PTPN14: variants seen among roughly 807,000 people sequenced by gnomAD.
The protein encoded by PTPN14 is tyrosine-protein phosphatase non-receptor type 14.
A neutral mutation model predicts 126.8 loss-of-function variants in PTPN14; 53 were observed. The observed-to-expected ratio is 0.42, with a 90% CI of 0.34 to 0.53. PTPN14 has a LOEUF of 0.53. PTPN14 is among the 20% of genes least tolerant of loss of function. The pLI is 0.08. For synonymous variants in PTPN14, 630 were observed against 599.3 expected (o/e 1.05, Z -0.75); for missense variants, 1,257 against 1,552.9 (o/e 0.81, Z 3.20).
At chr1:214,396,986 A>G (rs2102557471) in intron 8 of PTPN14, among the ~76,000 whole-genome samples, 1 of 152,368 alleles carries the variant, frequency 6.6e-6, no homozygotes, top group Middle Eastern at 3.4e-3. Flanking sequence ...CTATAGCCTG[A>G]AAGATCTCTC....
chr1:214,533,714 G>A (rs1015255311), intron 1 of PTPN14, among the ~76,000 whole-genome samples: 4 of 151,912 alleles, frequency 2.6e-5, no homozygotes, highest in Admixed American at 6.6e-5. Flanking sequence ...GCGGGCGCCT[G>A]TAGTCCCAAA....
intron 1 of PTPN14, among the ~76,000 whole-genome samples, chr1:214,501,720 G>C (rs768518765): frequency 2.0e-5 from 3 of 152,108 alleles, no homozygotes; most frequent in Non-Finnish European, 4.4e-5. Flanking sequence ...GCGTAGTATA[G>C]AGAAAAACCA....
At chr1:214,392,722 T>C (rs138757127) in intron 10 of PTPN14, among the ~76,000 whole-genome samples, 2 of 152,262 alleles carry the variant, frequency 1.3e-5, no homozygotes, top group African/African-American at 2.4e-5. Context: ...ACCAAGCAGG[T>C]AGGCCTAATA....
intron 13 of PTPN14, among the ~76,000 whole-genome samples, chr1:214,382,487 G>C (rs987489844): frequency 2.0e-5 from 3 of 152,060 alleles, no homozygotes; most frequent in African/African-American, 7.2e-5. Context: ...ATGTCTGGCT[G>C]GTTCTTTTTT....
At position 214,499,980 on chromosome 1, in the gene PTPN14, C is replaced by A. The variant is rs544126731; in HGVS notation, c.-154-35023G>T. On this transcript the variant is annotated intron_variant, in intron 1 of 18. Coordinates refer to ENST00000366956, the MANE Select transcript of PTPN14 (RefSeq NM_005401.5). ...GGACAAATGGTTCTACCTTCCAGAGCGTTTCAGTAACACTCTTGAAGCAAC... is the reference window on the plus strand; with the variant it reads ...GGACAAATGGTTCTACCTTCCAGAGAGTTTCAGTAACACTCTTGAAGCAAC... 3.3e-5 allele frequency among the ~76,000 whole-genome samples: 5 copies of A among 151,750 alleles called. No homozygotes were observed. The South Asian group carries it at 1.1e-3, about 32-fold the overall frequency.
At chr1:214,399,178 A>T (rs1233467261) in intron 7 of PTPN14, among the ~76,000 whole-genome samples, 1 of 152,238 alleles carries the variant, frequency 6.6e-6, no homozygotes, top group Non-Finnish European at 1.5e-5. Flanking sequence ...CAAAACCCAC[A>T]GGCATCACAT....
chr1:214,545,433 C>T (rs1353492772), intron 1 of PTPN14, among the ~76,000 whole-genome samples: 2 of 152,110 alleles, frequency 1.3e-5, no homozygotes, highest in Non-Finnish European at 2.9e-5. Flanking sequence ...CTTGAGATAA[C>T]AAATCTGACA....
intron 1 of PTPN14, among the ~76,000 whole-genome samples, chr1:214,497,342 C>A (rs1032249851): frequency 1.3e-5 from 2 of 152,044 alleles, no homozygotes; most frequent in African/African-American, 4.8e-5. Flanking sequence ...GCACAAGAGG[C>A]AATGTTTTTA....
intron 1 of PTPN14, among the ~76,000 whole-genome samples, chr1:214,545,838 G>A (rs1655954991): frequency 6.6e-6 from 1 of 152,140 alleles, no homozygotes; most frequent in Non-Finnish European, 1.5e-5. Flanking sequence ...AGTTGGGACA[G>A]GTAGGATGTG....
chr1:214,483,951 C>T (rs6540839), intron 1 of PTPN14, among the ~76,000 whole-genome samples: 139,250 of 152,312 alleles, frequency 0.91, 63,769 homozygotes, highest in African/African-American at 0.97. Context: ...GAGTTCTCAC[C>T]AGAGAAAGAC....
chr1:214,480,295 T>C (rs1660956550), intron 1 of PTPN14, among the ~76,000 whole-genome samples: 1 of 152,230 alleles, frequency 6.6e-6, no homozygotes, highest in Non-Finnish European at 1.5e-5. Flanking sequence ...TTTCTTCACT[T>C]ATAAGATGAC....
At chr1:214,501,798 G>A (rs1473571860) in intron 1 of PTPN14, among the ~76,000 whole-genome samples, 2 of 152,034 alleles carry the variant, frequency 1.3e-5, no homozygotes, top group Admixed American at 6.6e-5. Context: ...AGTGGCTCAC[G>A]CCTGTAATCC....
rs56339386 is a variant in PTPN14, at chr1:214,398,613, A to ATTT, written c.670-615_670-613dup. 9.1e-3 allele frequency among the ~76,000 whole-genome samples: 987 copies of ATTT among 108,864 alleles called. 30 individuals are homozygous for ATTT. The highest frequency in any genetic ancestry group is 0.027 in the African/African-American group (765 of 28,612). 71.4% of individuals were successfully genotyped at this position (108,864 alleles called of 152,430 possible). A position where few individuals can be genotyped will look rare whatever the true frequency, so the allele number is the denominator to read the frequency against. Reference sequence around the variant, plus strand: ...AAGCATGCACCACCATGCCCTGCTAATTTTTTTTTTTTTTTTTTTTTTTAC... The same window carrying ATTT: ...AAGCATGCACCACCATGCCCTGCTAATTTTTTTTTTTTTTTTTTTTTTTTTTAC... On this transcript the variant is annotated intron_variant, in intron 7 of 18. Transcript: ENST00000366956.
intron 1 of PTPN14, among the ~76,000 whole-genome samples, chr1:214,509,871 A>C (rs1654930365): frequency 6.6e-6 from 1 of 152,196 alleles, no homozygotes; most frequent in Non-Finnish European, 1.5e-5. Context: ...TATCATTCTG[A>C]GCAAACTATT....
intron 17 of PTPN14, 79 bp downstream of exon 17, chr1:214,369,378 A>C (rs763681578): frequency 1.4e-5 from 19 of 1,375,064 alleles, no homozygotes; most frequent in Non-Finnish European, 1.9e-5. Context: ...CTCTTTTTCC[A>C]TTTCATCTCC....
intron 1 of PTPN14, among the ~76,000 whole-genome samples, chr1:214,510,508 T>G (rs1455724524): frequency 6.6e-6 from 1 of 152,240 alleles, no homozygotes; most frequent in Non-Finnish European, 1.5e-5. Context: ...ACTTATTTAC[T>G]TTTCCTATAG....
At chr1:214,502,198 G>A (rs1272081290) in intron 1 of PTPN14, among the ~76,000 whole-genome samples, 1 of 151,948 alleles carries the variant, frequency 6.6e-6, no homozygotes, top group African/African-American at 2.4e-5. Context: ...CTGGAGGGTT[G>A]TTAAATAGGT....
chr1:214,377,168 C>G (rs1658361609), intron 14 of PTPN14, among the ~76,000 whole-genome samples: 1 of 152,312 alleles, frequency 6.6e-6, no homozygotes, highest in Admixed American at 6.5e-5. Context: ...TACGAGGGGA[C>G]AGCATTTTTA....
chr1:214,376,015 G>A (rs1035707159), intron 15 of PTPN14, among the ~76,000 whole-genome samples: 4 of 152,164 alleles, frequency 2.6e-5, no homozygotes, highest in Non-Finnish European at 5.9e-5. Context: ...AGTTCTTCCT[G>A]AGGCTGCTAG....
Sources: gnomAD v4.1 joint callset for allele counts (sites outside exome capture counted in the v4.1 genomes callset) on GRCh38, gnomAD v4.1.1 for gene constraint, MANE v1.5 for transcripts, NCBI Gene and HGNC (gene_info 2026-07-23, HGNC 2026-07-21) for gene names.